SIX1: variants seen among roughly 807,000 people sequenced by gnomAD.
The protein encoded by SIX1 is SIX homeobox 1.
Under a neutral mutation model 26.5 loss-of-function variants are expected in SIX1, and 11 were observed. The ratio of observed to expected loss-of-function variants is 0.41; its 90% CI spans 0.26 to 0.69. SIX1 has a LOEUF of 0.69. Among genes scored for constraint, SIX1 ranks in the 30% least tolerant of loss-of-function variants. SIX1 has a pLI of 0.28. For missense variants in SIX1, 333 were observed against 365.9 expected, an observed-to-expected ratio of 0.91 and a Z score of 0.73; for synonymous variants, 177 against 166.2, an observed-to-expected ratio of 1.06 and a Z score of -0.50.
At chr14:60,646,772 A>G (rs1894951342) in intron 1 of SIX1, among the ~76,000 whole-genome samples, 195 bp from the exon 2 acceptor site, 1 of 152,158 alleles carries the variant, frequency 6.6e-6, no homozygotes, top group South Asian at 2.1e-4. Context: ...GAGGAGTCAG[A>G]GGAACCTGGA....
Position 60,648,722 on chromosome 14 carries a change from CT to C in SIX1, c.467del (p.Glu156GlyfsTer96), listed in dbSNP as rs1566722102. On this transcript the variant is annotated frameshift_variant, in exon 1 of 2. Coordinates refer to ENST00000645694, the MANE Select transcript of SIX1 (RefSeq NM_005982.4). LOFTEE classifies it high-confidence loss of function. The surrounding 1 kb of genome is among the most constrained non-coding windows in gnomAD (Gnocchi z 7.9). ...NPYPSPREKR[E>X]LAEATGLTTT... ...TGGTGAGGCCGGTGGCCTCGGCCAG[CT>C]CCCGCTTCTCACGCGGCGATGGGTA... 6.2e-7 allele frequency: 1 copy of C among 1,613,628 alleles called. No homozygotes were observed.
Position 60,648,519 on chromosome 14 carries a change from C to G in SIX1, c.560+111G>C. ...GCCTGCGCGCCGCCCCGTGGACGGG[C>G]TCCGGCCGGCGGGGAGGACTTGGTG... On this transcript the variant is annotated intron_variant, in intron 1 of 1. Transcript: ENST00000645694. The surrounding 1 kb of genome is among the most constrained non-coding windows in gnomAD (Gnocchi z 7.9). 8.9e-7 allele frequency: 1 copy of G among 1,117,438 alleles called. No homozygotes were observed. The highest frequency in any genetic ancestry group is 2.6e-5 in the East Asian group (1 of 38,718). The allele number at this position is 1,117,438 out of a possible 1,614,324, so 69.2% of individuals were successfully genotyped here.
At position 60,647,018 on chromosome 14, in the gene SIX1, T is replaced by C. The variant is rs1281443977; in HGVS notation, c.561-441A>G. Among the ~76,000 whole-genome samples, 1 of 152,218 alleles carries C rather than the reference T, an allele frequency of 6.6e-6. No individual in the cohort carries two copies. The highest frequency in any genetic ancestry group is 2.4e-5 in the African/African-American group (1 of 41,458). ...AGAAATGATAGAGGACAGAGTCCAA[T>C]GCACAAATGTTTGGGGTGAATCAAG... is the stretch of plus-strand genomic sequence containing the variant. On this transcript the variant is annotated intron_variant, in intron 1 of 1. Transcript: ENST00000645694. The surrounding 1 kb of genome is among the most constrained non-coding windows in gnomAD (Gnocchi z 5.1).
rs1216716466 is a variant in SIX1, at chr14:60,648,904, C to T, written c.286G>A (p.Glu96Lys). ...CCCAGGGGTCGGCCGCGCAGCTTCTCGGCCTCCACGTAATGCGCCTTCAGC... is the reference window on the plus strand; with the variant it reads ...CCCAGGGGTCGGCCGCGCAGCTTCTTGGCCTCCACGTAATGCGCCTTCAGC... Reference protein sequence around the residue: ...LWLKAHYVEAEKLRGRPLGAV... With the variant: ...LWLKAHYVEAKKLRGRPLGAV... The change falls in exon 1 of 2, where the codon GAG (glutamate) becomes AAG (lysine). Residue 96 changes from glutamate (E) to lysine (K), a missense_variant. By Grantham distance (56) the Glu-to-Lys change is moderately conservative. This residue lies in a region of SIX1 where 133 missense variants were observed against 131.8 expected (regional missense o/e 1.01). Coordinates refer to ENST00000645694, the MANE Select transcript of SIX1 (RefSeq NM_005982.4). This position sits in a 1 kb window ranked among gnomAD's most constrained non-coding sequence, Gnocchi z 7.9. 6.2e-7 allele frequency: 1 copy of T among 1,614,110 alleles called. No individual in the cohort carries two copies. The highest frequency in any genetic ancestry group is 1.3e-5 in the African/African-American group (1 of 74,948).
In SIX1 at chr14:60,645,142, G is replaced by T. The variant is rs1894917065; in HGVS notation, c.*1141C>A. On this transcript the variant is annotated 3_prime_UTR_variant, in exon 2 of 2. Transcript: ENST00000645694. This position sits in a 1 kb window ranked among gnomAD's most constrained non-coding sequence, Gnocchi z 4.6. ...TCTAGTTACTACTCTTGGTTCAGAT[G>T]ATGGCCTTCAAAGTACCCTGCAATT... 1 of 151,902 alleles carries T rather than the reference G, an allele frequency of 6.6e-6. No homozygotes were observed. Among genetic ancestry groups the T allele is most frequent in the Non-Finnish European group, 1.5e-5 (1 of 68,002 alleles). 9.4% of individuals were successfully genotyped at this position (151,902 alleles called of 1,614,324 possible).
At position 60,649,209 on chromosome 14, in the gene SIX1, G is replaced by A; in HGVS notation, c.-20C>T. 1.9e-6 allele frequency: 3 copies of A among 1,599,612 alleles called. No individual in the cohort carries two copies. Among genetic ancestry groups the A allele is most frequent in the Non-Finnish European group, 1.7e-6 (2 of 1,177,774 alleles). On this transcript the variant is annotated 5_prime_UTR_variant, in exon 1 of 2. Coordinates refer to ENST00000645694, the MANE Select transcript of SIX1 (RefSeq NM_005982.4). This position sits in a 1 kb window ranked among gnomAD's most constrained non-coding sequence, Gnocchi z 5.1. ...CGACATGGCTGGGGCCTGCCGGGGC[G>A]CACGGCCCAGGCGCACGCGGCAGGG...
chr14:60,646,179 G>C lies in SIX1; in HGVS notation c.*104C>G. The C allele has an allele frequency of 1.7e-6, 2 of 1,167,702 alleles. No homozygotes were observed. The highest frequency in any genetic ancestry group is 1.5e-5 in the South Asian group (1 of 65,906). The allele number at this position is 1,167,702 out of a possible 1,614,324, so 72.3% of individuals were successfully genotyped here. On this transcript the variant is annotated 3_prime_UTR_variant, in exon 2 of 2. Coordinates refer to ENST00000645694, the MANE Select transcript of SIX1 (RefSeq NM_005982.4). Reference sequence around the variant, plus strand: ...ATTCCTTTATGCGCAAACAACTCCAGAAACAAGCTGCAAAAATGTTCCTGA... The same window carrying C: ...ATTCCTTTATGCGCAAACAACTCCACAAACAAGCTGCAAAAATGTTCCTGA...
chr14:60,648,815 C>T lies in SIX1; in HGVS notation c.375G>A (p.Glu125=). 1.9e-6 allele frequency: 3 copies of T among 1,614,234 alleles called. No homozygotes were observed. The highest frequency in any genetic ancestry group is 2.5e-6 in the Non-Finnish European group (3 of 1,180,040). ...FPLPRTIWDG[E]ETSYCFKEKS... ...TCTCCTTGAAGCAGTAGCTGGTCTC[C>T]TCGCCGTCCCAGATGGTGCGCGGCA... The change falls in exon 1 of 2, where the codon GAG becomes GAA. Residue 125 remains glutamate, a synonymous_variant. Coordinates refer to ENST00000645694, the MANE Select transcript of SIX1 (RefSeq NM_005982.4). This position sits in a 1 kb window ranked among gnomAD's most constrained non-coding sequence, Gnocchi z 7.9.
Position 60,646,318 on chromosome 14 carries a change from GGCC to G in SIX1, c.817_819del (p.Gly273del), listed in dbSNP as rs1894939297. The G allele has an allele frequency of 3.7e-6, 6 of 1,613,586 alleles. No homozygotes were observed. Among genetic ancestry groups the G allele is most frequent in the Non-Finnish European group, 4.2e-6 (5 of 1,179,758 alleles). On this transcript the variant is annotated inframe_deletion, in exon 2 of 2. Coordinates refer to ENST00000645694, the MANE Select transcript of SIX1 (RefSeq NM_005982.4). Reference sequence around the variant, plus strand: ...AAGTCCACCAGACTGGAGGTGAGGGGGCCGAGCAGAGAGTCTTGGAGCTGATGC... The same window carrying G: ...AAGTCCACCAGACTGGAGGTGAGGGGGAGCAGAGAGTCTTGGAGCTGATGC...
chr14:60,646,581 A>G lies in SIX1; in HGVS notation c.561-4T>C. ...GTTATTGTTTTCGGTGTTCTCCCTAAGAAATAGAGGACAACACCATATGGT... is the reference window on the plus strand; with the variant it reads ...GTTATTGTTTTCGGTGTTCTCCCTAGGAAATAGAGGACAACACCATATGGT... On this transcript the variant is annotated splice_region_variant and splice_polypyrimidine_tract_variant and intron_variant, in intron 1 of 1. Transcript: ENST00000645694. The G allele has an allele frequency of 6.3e-7, 1 of 1,595,504 alleles. No individual in the cohort carries two copies. The highest frequency in any genetic ancestry group is 8.5e-7 in the Non-Finnish European group (1 of 1,171,392).
chr14:60,648,328 T>TA lies in SIX1; in HGVS notation c.560+301_560+302insT, dbSNP rs772607736. ...TAGAAACTCACTCTCCACCCACCAC[T>TA]CATAGCCGCGGCCAGCCAGGGAGGC... On this transcript the variant is annotated intron_variant, in intron 1 of 1. Transcript: ENST00000645694. The surrounding 1 kb of genome is among the most constrained non-coding windows in gnomAD (Gnocchi z 7.9). Among the ~76,000 whole-genome samples, 26 of 151,988 alleles carry TA rather than the reference T, an allele frequency of 1.7e-4. No homozygotes were observed. The highest frequency in any genetic ancestry group is 2.8e-4 in the Non-Finnish European group (19 of 68,002).
In SIX1 at chr14:60,644,465, T is replaced by C. The variant is rs1034194309; in HGVS notation, c.*1818A>G. 2.0e-5 allele frequency: 3 copies of C among 149,828 alleles called. No individual in the cohort carries two copies. The highest frequency in any genetic ancestry group is 6.7e-5 in the Admixed American group (1 of 14,872). The allele number at this position is 149,828 out of a possible 1,614,324, so 9.3% of individuals were successfully genotyped here. A position where few individuals can be genotyped will look rare whatever the true frequency, so the allele number is the denominator to read the frequency against. ...GTGTACAGTTAAGTACAGTGACCAT[T>C]TCTCCCTGGAACTCAAAGCTATTTG... On this transcript the variant is annotated 3_prime_UTR_variant, in exon 2 of 2. Coordinates refer to ENST00000645694, the MANE Select transcript of SIX1 (RefSeq NM_005982.4).
chr14:60,646,144 A>T lies in SIX1; in HGVS notation c.*139T>A. 1.4e-6 allele frequency: 1 copy of T among 733,444 alleles called. No homozygotes were observed. The highest frequency in any genetic ancestry group is 2.2e-6 in the Non-Finnish European group (1 of 460,510). 45.4% of individuals were successfully genotyped at this position (733,444 alleles called of 1,614,324 possible). On this transcript the variant is annotated 3_prime_UTR_variant, in exon 2 of 2. Transcript: ENST00000645694. ...TTTGATTTTTAAAAAGATATTTGTG[A>T]AAGTCCACCATTCCTTTATGCGCAA...
Position 60,646,218 on chromosome 14 carries a change from G to A in SIX1, c.*65C>T. On this transcript the variant is annotated 3_prime_UTR_variant, in exon 2 of 2. Coordinates refer to ENST00000645694, the MANE Select transcript of SIX1 (RefSeq NM_005982.4). ...AAATGTTCCTGATTTCTATTTACAA[G>A]TGTCCCTAGTCGCTGCAGTGGTTGC... 2 of 1,478,072 alleles carry A rather than the reference G, an allele frequency of 1.4e-6. No homozygotes were observed. Among genetic ancestry groups the A allele is most frequent in the Admixed American group, 1.9e-5 (1 of 52,302 alleles). 91.6% of individuals were successfully genotyped at this position (1,478,072 alleles called of 1,614,324 possible). A position where few individuals can be genotyped will look rare whatever the true frequency, so the allele number is the denominator to read the frequency against.
In SIX1 at chr14:60,649,154, C is replaced by G; in HGVS notation, c.36G>C (p.Glu12Asp). The change falls in exon 1 of 2, where the codon GAG becomes GAC. Residue 12 changes from glutamate to aspartate, a missense_variant. Glu to Asp is a conservative substitution (Grantham distance 45). This residue lies in a region of SIX1 where 133 missense variants were observed against 131.8 expected (regional missense o/e 1.01). Coordinates refer to ENST00000645694, the MANE Select transcript of SIX1 (RefSeq NM_005982.4). This position sits in a 1 kb window ranked among gnomAD's most constrained non-coding sequence, Gnocchi z 5.1. Reference protein sequence around the residue: ...SMLPSFGFTQEQVACVCEVLQ... With the variant: ...SMLPSFGFTQDQVACVCEVLQ... ...GAACCTCGCACACGCACGCCACTTG[C>G]TCCTGCGTAAAGCCAAACGACGGCA... The G allele has an allele frequency of 6.2e-7, 1 of 1,611,934 alleles. No individual in the cohort carries two copies. Among genetic ancestry groups the G allele is most frequent in the Non-Finnish European group, 8.5e-7 (1 of 1,179,966 alleles).
chr14:60,648,136 G>A lies in SIX1; in HGVS notation c.560+494C>T, dbSNP rs899225352. Among the ~76,000 whole-genome samples the A allele has an allele frequency of 6.6e-6, 1 of 152,218 alleles. No homozygotes were observed. The highest frequency in any genetic ancestry group is 6.5e-5 in the Admixed American group (1 of 15,284). On this transcript the variant is annotated intron_variant, in intron 1 of 1. Transcript: ENST00000645694. This position sits in a 1 kb window ranked among gnomAD's most constrained non-coding sequence, Gnocchi z 7.9. ...GAAGCAGGCTACCTCTAAACCAAAA[G>A]ACTATCAAGAGAGAGCTGTGGAGAA...
In SIX1 at chr14:60,646,522, G is replaced by A. The variant is rs543609416; in HGVS notation, c.616C>T (p.Leu206=). The part of the protein sequence containing the change: ...SSNKQNQLSP[L]EGGKPLMSSS... Reference sequence around the variant, plus strand: ...GACATGAGCGGCTTGCCCCCTTCCAGAGGAGAGAGTTGGTTCTGCTTGTTG... The same window carrying A: ...GACATGAGCGGCTTGCCCCCTTCCAAAGGAGAGAGTTGGTTCTGCTTGTTG... The change falls in exon 2 of 2, where the codon CTG becomes TTG. Residue 206 remains leucine (L), a synonymous_variant. Transcript: ENST00000645694. The A allele has an allele frequency of 3.1e-6, 5 of 1,611,974 alleles. No homozygotes were observed. In the African/African-American group the frequency reaches 6.7e-5, roughly 22 times the overall value.
rs1894936134 is a variant in SIX1, at chr14:60,646,127, T to C, written c.*156A>G. 3 of 687,320 alleles carry C rather than the reference T, an allele frequency of 4.4e-6. No homozygotes were observed. In the Admixed American group the frequency reaches 9.0e-5, roughly 21 times the overall value. The allele number at this position is 687,320 out of a possible 1,614,324, so 42.6% of individuals were successfully genotyped here. A position where few individuals can be genotyped will look rare whatever the true frequency, so the allele number is the denominator to read the frequency against. ...TTGAGATCGCTGTTGGTTTTGATTT[T>C]TAAAAAGATATTTGTGAAAGTCCAC... On this transcript the variant is annotated 3_prime_UTR_variant, in exon 2 of 2. Coordinates refer to ENST00000645694, the MANE Select transcript of SIX1 (RefSeq NM_005982.4).
At position 60,644,001 on chromosome 14, in the gene SIX1, A is replaced by C. The variant is rs1310785948; in HGVS notation, c.*2282T>G. 1 of 152,240 alleles carries C rather than the reference A, an allele frequency of 6.6e-6. No individual in the cohort carries two copies. Among genetic ancestry groups the C allele is most frequent in the African/African-American group, 2.4e-5 (1 of 41,462 alleles). The allele number at this position is 152,240 out of a possible 1,614,324, so 9.4% of individuals were successfully genotyped here. A position where few individuals can be genotyped will look rare whatever the true frequency, so the allele number is the denominator to read the frequency against. On this transcript the variant is annotated 3_prime_UTR_variant, in exon 2 of 2. Transcript: ENST00000645694. ...AGTGGGCCGGGGCGCCCTGCGAGAC[A>C]CAACTTCCACGAGCCTAAAATTATC... is the stretch of plus-strand genomic sequence containing the variant.
Sources: gnomAD v4.1 joint callset for allele counts (sites outside exome capture counted in the v4.1 genomes callset) on GRCh38, gnomAD v4.1.1 for gene constraint, gnomAD v4.1.1 regional missense constraint, Gnocchi (gnomAD v3.1) non-coding constraint, MANE v1.5 for transcripts, NCBI Gene and HGNC (gene_info 2026-07-23, HGNC 2026-07-21) for gene names.